The following VSTM2A variants were observed in gnomAD, a reference collection of about 807,000 sequenced individuals.
The protein encoded by VSTM2A is V-set and transmembrane domain-containing protein 2A.
In VSTM2A, 13 loss-of-function variants were observed where a neutral mutation model predicts 27.3. The ratio of observed to expected loss-of-function variants is 0.48; its 90% CI spans 0.31 to 0.76. The LOEUF (loss-of-function observed/expected upper bound fraction) is 0.76, where lower values mean the gene tolerates loss of function less well. Ranked by LOEUF, VSTM2A falls within the 30% of genes least tolerant of loss-of-function variation. The probability of loss-of-function intolerance (pLI) is 0.05; values close to 1 mark genes in which losing one functional copy is unlikely to be tolerated. For missense variants in VSTM2A, 280 were observed against 310.0 expected (o/e 0.90, Z 0.73); for synonymous variants, 142 against 125.7 (o/e 1.13, Z -0.87).
chr7:54,549,789 A>T, intron 3 of VSTM2A, 45 bp from the exon 4 acceptor site: 4 of 1,495,846 alleles, frequency 2.7e-6, no homozygotes, highest in Non-Finnish European at 3.6e-6. Context: ...GAACAAAATC[A>T]TTTGATGTAG....
At position 54,569,407 on chromosome 7, in the gene VSTM2A, C is replaced by A; in HGVS notation, c.*188C>A. 2.9e-6 allele frequency: 3 copies of A among 1,028,062 alleles called. No individual in the cohort carries two copies. The highest frequency in any genetic ancestry group is 4.1e-6 in the Non-Finnish European group (3 of 729,982). The allele number at this position is 1,028,062 out of a possible 1,614,324, so 63.7% of individuals were successfully genotyped here. ...TCTTTCGGCGACTAAAATCATCTCA[C>A]TGACTGCTCAAGGGTTGGCCTGAAT... On this transcript the variant is annotated 3_prime_UTR_variant, in exon 5 of 5. Transcript: ENST00000402613.
At chr7:54,554,001 C>T in intron 4 of VSTM2A, 1 of 1,553,322 alleles carries the variant, frequency 6.4e-7, no homozygotes, top group South Asian at 1.2e-5. Context: ...TGTGAAGCGG[C>T]TTCCTGCTCC....
intron 4 of VSTM2A, among the ~76,000 whole-genome samples, chr7:54,555,748 G>T (rs1223369054): frequency 6.6e-6 from 1 of 152,102 alleles, no homozygotes; most frequent in African/African-American, 2.4e-5. Context: ...TCCTCTATGT[G>T]CCCTGAACAA....
At chr7:54,547,567 T>A (rs1584046911) in intron 3 of VSTM2A, among the ~76,000 whole-genome samples, 1 of 152,288 alleles carries the variant, frequency 6.6e-6, no homozygotes, top group Non-Finnish European at 1.5e-5. Context: ...AAACTTATAG[T>A]TCCACTCTCT....
In VSTM2A at chr7:54,544,704, C is replaced by A. The variant is rs1307865485; in HGVS notation, c.162C>A (p.Ser54=). 2 of 1,612,676 alleles carry A rather than the reference C, an allele frequency of 1.2e-6. No homozygotes were observed. Among genetic ancestry groups the A allele is most frequent in the African/African-American group, 2.7e-5 (2 of 74,930 alleles). The change falls in exon 2 of 5, where the codon TCC becomes TCA. Residue 54 remains serine, a synonymous_variant. Coordinates refer to ENST00000402613, the MANE Select transcript of VSTM2A (RefSeq NM_001301009.2). Reference sequence around the variant, plus strand: ...TGTCCTGCGCCTTCCAGAGCGGCTCCGCCTCGGTGTATCTGGAGATCCAAT... The same window carrying A: ...TGTCCTGCGCCTTCCAGAGCGGCTCAGCCTCGGTGTATCTGGAGATCCAAT... ...VEMSCAFQSG[S]ASVYLEIQWW...
chr7:54,551,145 ACACACACACACACACACG>A (rs1788178554), intron 4 of VSTM2A: 1 of 149,518 alleles, frequency 6.7e-6, no homozygotes, highest in Non-Finnish European at 1.5e-5. Flanking sequence ...CTGAATACAC[ACACACACACACACACACG>A]CACACACACA....
At chr7:54,546,759 G>A in intron 2 of VSTM2A, 188 bp from the exon 3 acceptor site, 4 of 585,932 alleles carry the variant, frequency 6.8e-6, no homozygotes, top group Non-Finnish European at 1.2e-5. Context: ...GGACAGCGTG[G>A]GGTATGCCAG....
At chr7:54,549,756 T>C in intron 3 of VSTM2A, 78 bp from the exon 4 acceptor site, 1 of 1,352,912 alleles carries the variant, frequency 7.4e-7, no homozygotes, top group South Asian at 1.5e-5. Context: ...TTTCCAATAT[T>C]AGCAAGCTCA....
At chr7:54,557,053 G>C (rs746179898) in intron 4 of VSTM2A, 12 of 152,214 alleles carry the variant, frequency 7.9e-5, no homozygotes, top group Non-Finnish European at 1.8e-4. Flanking sequence ...CACTCTGTTG[G>C]TCACAATAAC....
chr7:54,543,642 T>C (rs560420803), intron 1 of VSTM2A, among the ~76,000 whole-genome samples: 54 of 152,260 alleles, frequency 3.5e-4, no homozygotes, highest in Non-Finnish European at 6.0e-4. Flanking sequence ...CCACCCCAAA[T>C]CATTTCTGCA....
rs535728078 is a variant in VSTM2A, at chr7:54,545,664, G to A, written c.246+876G>A. On this transcript the variant is annotated intron_variant, in intron 2 of 4. Coordinates refer to ENST00000402613, the MANE Select transcript of VSTM2A (RefSeq NM_001301009.2). Reference sequence around the variant, plus strand: ...GGGAGACGGGAAGAGACAGTGAAGGGGAAAGAGAGAGGGAAGGGGGAAAAA... The same window carrying A: ...GGGAGACGGGAAGAGACAGTGAAGGAGAAAGAGAGAGGGAAGGGGGAAAAA... Among the ~76,000 whole-genome samples, 226 of 68,370 alleles carry A rather than the reference G, an allele frequency of 3.3e-3. 2 individuals carry two copies. The highest frequency in any genetic ancestry group is 9.6e-3 in the Middle Eastern group (1 of 104). The allele number at this position is 68,370 out of a possible 152,430, so 44.9% of individuals were successfully genotyped here. A position where few individuals can be genotyped will look rare whatever the true frequency, so the allele number is the denominator to read the frequency against.
At chr7:54,544,488 C>T (rs1253836234) in intron 1 of VSTM2A, 134 bp from the exon 2 acceptor site, 1 of 1,095,890 alleles carries the variant, frequency 9.1e-7, no homozygotes, top group Non-Finnish European at 1.4e-6. Context: ...CTGGGGGAAC[C>T]AGACGAAGCC....
intron 3 of VSTM2A, among the ~76,000 whole-genome samples, chr7:54,548,991 G>GT (rs1788094504): frequency 6.7e-6 from 1 of 150,038 alleles, no homozygotes; most frequent in Non-Finnish European, 1.5e-5. Flanking sequence ...AAACCTAACT[G>GT]TTCTGATAAA....
At chr7:54,546,915 C>T (rs2115787107) in intron 2 of VSTM2A, 32 bp from the exon 3 acceptor site, 1 of 1,597,300 alleles carries the variant, frequency 6.3e-7, no homozygotes, top group Non-Finnish European at 8.5e-7. Flanking sequence ...GCGGGCCTGG[C>T]GCGGGACTGA....
At chr7:54,563,306 A>G (rs1044720031) in intron 4 of VSTM2A, among the ~76,000 whole-genome samples, 5 of 152,188 alleles carry the variant, frequency 3.3e-5, no homozygotes, top group Admixed American at 6.5e-5. Flanking sequence ...ATAAACTCCA[A>G]TAAGTTACAT....
intron 4 of VSTM2A, chr7:54,557,261 C>G (rs907346014): frequency 2.0e-5 from 3 of 152,088 alleles, no homozygotes; most frequent in African/African-American, 7.3e-5. Context: ...AAGAGGAAGG[C>G]TGCTTCACAT....
intron 4 of VSTM2A, chr7:54,559,751 G>A (rs1205665162): frequency 2.6e-5 from 4 of 152,124 alleles, no homozygotes; most frequent in African/African-American, 9.7e-5. Context: ...GTTACCTAGT[G>A]AATGTGTTAA....
In VSTM2A at chr7:54,544,728, A is replaced by G. The variant is rs1355515431; in HGVS notation, c.186A>G (p.Gln62=). 9 of 1,612,496 alleles carry G rather than the reference A, an allele frequency of 5.6e-6. No homozygotes were observed. Among genetic ancestry groups the G allele is most frequent in the South Asian group, 1.1e-5 (1 of 91,066 alleles). ...SGSASVYLEI[Q]WWFLRGPEDL... is the part of the protein sequence containing the mutation. Reference sequence around the variant, plus strand: ...CCGCCTCGGTGTATCTGGAGATCCAATGGTGGTTCCTGCGGGGGCCGGAGG... The same window carrying G: ...CCGCCTCGGTGTATCTGGAGATCCAGTGGTGGTTCCTGCGGGGGCCGGAGG... Residue 62 remains glutamine (Q), a synonymous_variant, in exon 2 of 5, where the codon CAA becomes CAG. Coordinates refer to ENST00000402613, the MANE Select transcript of VSTM2A (RefSeq NM_001301009.2).
intron 4 of VSTM2A, among the ~76,000 whole-genome samples, chr7:54,561,059 G>A (rs557442568): frequency 3.3e-5 from 5 of 152,120 alleles, no homozygotes; most frequent in South Asian, 2.1e-4. Flanking sequence ...AACTTCTAGC[G>A]TTGTAAATAG....
Sources: allele counts gnomAD v4.1 joint callset (sites outside exome capture counted in the v4.1 genomes callset), GRCh38; gene constraint gnomAD v4.1.1; transcripts MANE v1.5; gene names NCBI Gene and HGNC (gene_info 2026-07-23, HGNC 2026-07-21).